ALDH1L1: variants seen among roughly 807,000 people sequenced by gnomAD.
ALDH1L1 encodes aldehyde dehydrogenase 1 family member L1.
In ALDH1L1, 68 loss-of-function variants were observed where a neutral mutation model predicts 101.1. The observed-to-expected ratio is 0.67, with a 90% CI of 0.55 to 0.82. The LOEUF is 0.82. Ranked by LOEUF, ALDH1L1 falls within the 40% of genes least tolerant of loss-of-function variation. The pLI is 0.00. For missense variants in ALDH1L1, 1,087 were observed against 1,172.7 expected (o/e 0.93, Z 1.07); for synonymous variants, 486 against 470.8 (o/e 1.03, Z -0.42).
rs1320005855 is a variant in ALDH1L1 at position 126,124,434 on chromosome 3, G to T, written c.1818C>A (p.Ala606=). ...TTAATGTCAGCTCTGCAAACTTCAA[G>T]GCTGTGAGTGGGGTCACCTGGGTGT... is the stretch of plus-strand genomic sequence containing the variant. The part of the protein sequence containing the change: ...IKPAQVTPLT[A]LKFAELTLKA... Residue 606 remains alanine (A), a synonymous_variant, in exon 16 of 23, where the codon GCC becomes GCA. Transcript: ENST00000393434. 1 of 1,611,334 alleles carries T rather than the reference G, an allele frequency of 6.2e-7. No homozygotes were observed. The highest frequency in any genetic ancestry group is 8.5e-7 in the Non-Finnish European group (1 of 1,178,904).
In ALDH1L1 at chr3:126,146,857, C is replaced by A. The variant is rs2080698189; in HGVS notation, c.1054G>T (p.Ala352Ser). The A allele has an allele frequency of 1.2e-6, 2 of 1,613,978 alleles. No individual in the cohort carries two copies. Among genetic ancestry groups the A allele is most frequent in the Non-Finnish European group, 1.7e-6 (2 of 1,179,966 alleles). ...TACCTCACAACGTCCACAGACGCGG[C>A]CCCTGACTTGAAGAAATCAGTGGAG... is the stretch of plus-strand genomic sequence containing the variant. ...EDSTDFFKSG[A>S]ASVDVVRLVE... The change falls in exon 9 of 23, where the codon GCC becomes TCC. Residue 352 changes from alanine to serine, a missense_variant. Physicochemically the swap from Ala to Ser is moderately conservative, Grantham distance 99. Coordinates refer to ENST00000393434, the MANE Select transcript of ALDH1L1 (RefSeq NM_012190.4).
chr3:126,152,526 A>C (rs2080824872), intron 7 of ALDH1L1: 1 of 152,442 alleles, frequency 6.6e-6, no homozygotes, highest in Non-Finnish European at 1.5e-5. Flanking sequence ...ACTGGACACC[A>C]AGAGCGAGCA....
chr3:126,177,933 C>G (rs1176118435), intron 1 of ALDH1L1, among the ~76,000 whole-genome samples: 1 of 152,162 alleles, frequency 6.6e-6, no homozygotes, highest in East Asian at 1.9e-4. Flanking sequence ...ATCCCAGCTA[C>G]TCGAGAGGCT....
intron 12 of ALDH1L1, among the ~76,000 whole-genome samples, chr3:126,132,951 G>A (rs1336908769): frequency 6.6e-6 from 1 of 152,220 alleles, no homozygotes; most frequent in Non-Finnish European, 1.5e-5. Flanking sequence ...TGGGCAAGGA[G>A]AGCCCATGCG....
intron 7 of ALDH1L1, chr3:126,151,877 C>T: frequency 6.2e-6 from 1 of 160,596 alleles, no homozygotes. Context: ...CACTCCCCTC[C>T]CACCCTGACC....
At chr3:126,130,361 G>T in intron 13 of ALDH1L1, 68 bp from the exon 14 acceptor site, 2 of 1,399,568 alleles carry the variant, frequency 1.4e-6, no homozygotes, top group Non-Finnish European at 1.9e-6. Flanking sequence ...TAGGCAGCAA[G>T]TCTCCACCAG....
At chr3:126,141,299 T>A (rs183538444) in intron 9 of ALDH1L1, among the ~76,000 whole-genome samples, 1 of 152,216 alleles carries the variant, frequency 6.6e-6, no homozygotes, top group Admixed American at 6.5e-5. Flanking sequence ...GCTACTTAGA[T>A]GCCCAACTTT....
At chr3:126,148,398 T>C (rs2080739841) in intron 8 of ALDH1L1, among the ~76,000 whole-genome samples, 1 of 152,236 alleles carries the variant, frequency 6.6e-6, no homozygotes, top group Non-Finnish European at 1.5e-5. Context: ...CAGCAGGCTC[T>C]TGGAGCGTTC....
At chr3:126,191,237 G>C (rs983340623) in intron 1 of ALDH1L1, among the ~76,000 whole-genome samples, 1 of 152,164 alleles carries the variant, frequency 6.6e-6, no homozygotes, top group Admixed American at 6.5e-5. Context: ...AATTTGACTG[G>C]AATTTAATAA....
intron 19 of ALDH1L1, among the ~76,000 whole-genome samples, chr3:126,110,751 T>C (rs9853800): frequency 0.041 from 6,225 of 152,132 alleles, 400 homozygotes; most frequent in African/African-American, 0.13. Context: ...GACTGTCCTG[T>C]CTCCACCCTG....
chr3:126,137,863 C>G lies in ALDH1L1; in HGVS notation c.1174G>C (p.Val392Leu), dbSNP rs1179394548. The G allele has an allele frequency of 1.2e-6, 2 of 1,614,220 alleles. No homozygotes were observed. The highest frequency in any genetic ancestry group is 1.1e-5 in the South Asian group (1 of 91,070). The change falls in exon 10 of 23, where the codon GTG becomes CTG. Residue 392 changes from valine to leucine, a missense_variant. Coordinates refer to ENST00000393434, the MANE Select transcript of ALDH1L1 (RefSeq NM_012190.4). Reference sequence around the variant, plus strand: ...TCATCGTCCCCTCGCAGCTTCCTCACTAACAGCTGGATGAAGTCCCCAAAG... The same window carrying G: ...TCATCGTCCCCTCGCAGCTTCCTCAGTAACAGCTGGATGAAGTCCCCAAAG... The part of the protein sequence containing the change: ...STFGDFIQLL[V>L]RKLRGDDEEG...
chr3:126,153,297 G>T, intron 7 of ALDH1L1, 147 bp downstream of exon 7: 1 of 1,280,722 alleles, frequency 7.8e-7, no homozygotes, highest in Non-Finnish European at 1.1e-6. Flanking sequence ...CGGGTGGTCA[G>T]GGACAAATCA....
intron 16 of ALDH1L1, among the ~76,000 whole-genome samples, chr3:126,118,951 G>A (rs73200409): frequency 5.2e-4 from 79 of 152,122 alleles, no homozygotes; most frequent in Non-Finnish European, 9.6e-4. Context: ...CCATCTCAAC[G>A]AGACTTCAGA....
intron 7 of ALDH1L1, 27 bp downstream of exon 7, chr3:126,153,417 G>T (rs1208493183): frequency 6.2e-7 from 1 of 1,611,576 alleles, no homozygotes; most frequent in Non-Finnish European, 8.5e-7. Flanking sequence ...CTTTGAGCAG[G>T]CAAGTGACCC....
intron 2 of ALDH1L1, among the ~76,000 whole-genome samples, chr3:126,158,961 G>GC (rs1298342854): frequency 1.3e-5 from 2 of 152,092 alleles, no homozygotes; most frequent in African/African-American, 4.8e-5. Flanking sequence ...CTGTCTTCCG[G>GC]CCCCCTCTAC....
At chr3:126,187,432 C>G (rs1447415335) in intron 1 of ALDH1L1, among the ~76,000 whole-genome samples, 2 of 152,050 alleles carry the variant, frequency 1.3e-5, no homozygotes, top group Admixed American at 6.5e-5. Flanking sequence ...GGCTTTCCTT[C>G]TCTCTCTAAA....
intron 3 of ALDH1L1, 135 bp downstream of exon 3, chr3:126,158,270 G>T (rs2108296619): frequency 1.3e-6 from 1 of 789,562 alleles, no homozygotes; most frequent in Non-Finnish European, 2.0e-6. Flanking sequence ...CTGACATCTG[G>T]CAGCCACAGG....
chr3:126,191,822 A>G (rs2081555049), intron 1 of ALDH1L1, among the ~76,000 whole-genome samples: 1 of 152,176 alleles, frequency 6.6e-6, no homozygotes, highest in Non-Finnish European at 1.5e-5. Context: ...TAAGAGGTGA[A>G]GTAAGTCCAT....
intron 1 of ALDH1L1, among the ~76,000 whole-genome samples, chr3:126,190,442 G>A (rs7642538): frequency 0.18 from 27,639 of 152,180 alleles, 2,617 homozygotes; most frequent in South Asian, 0.21. Flanking sequence ...CAAGGACTCA[G>A]AGAGGACCAA....
Sources: gnomAD v4.1 joint callset for allele counts (sites outside exome capture counted in the v4.1 genomes callset) on GRCh38, gnomAD v4.1.1 for gene constraint, MANE v1.5 for transcripts, NCBI Gene and HGNC (gene_info 2026-07-23, HGNC 2026-07-21) for gene names.